ACTR3B: variants seen among roughly 807,000 people sequenced by gnomAD.
ACTR3B encodes actin-related protein 3B.
Under a neutral mutation model 59.0 loss-of-function variants are expected in ACTR3B, and 8 were observed. That is an observed-to-expected ratio of 0.14 (90% CI 0.08 to 0.24). ACTR3B has a LOEUF of 0.24. ACTR3B is among the 10% of genes least tolerant of loss of function. The pLI is 1.00. For missense variants in ACTR3B, 245 were observed against 552.3 expected, an observed-to-expected ratio of 0.44 and a Z score of 5.58; for synonymous variants, 148 against 197.9, an observed-to-expected ratio of 0.75 and a Z score of 2.12.
chr7:152,837,982 G>C (rs1164390970), intron 9 of ACTR3B, among the ~76,000 whole-genome samples: 1 of 152,164 alleles, frequency 6.6e-6, no homozygotes, highest in Non-Finnish European at 1.5e-5. Context: ...TCTGGGCGAG[G>C]GGGGAGGTAT....
rs182458016 is a variant in ACTR3B at position 152,829,982 on chromosome 7, A to G, written c.951+4860A>G. On this transcript the variant is annotated intron_variant, in intron 9 of 11. Coordinates refer to ENST00000256001, the MANE Select transcript of ACTR3B (RefSeq NM_020445.6). The stretch of plus-strand genomic sequence containing the variant: ...CGAGATGATTCGGTTCTTGCCTTCA[A>G]GAGCTTATAAAAAAGCTAAAAATAC... Among the ~76,000 whole-genome samples the G allele has an allele frequency of 1.5e-3, 223 of 152,378 alleles. 1 individual carries two copies. The highest frequency in any genetic ancestry group is 5.2e-3 in the African/African-American group (217 of 41,588).
rs970632581 is a variant in ACTR3B, at chr7:152,769,744, G to A, written c.44+9818G>A. 7.3e-5 allele frequency among the ~76,000 whole-genome samples: 11 copies of A among 151,332 alleles called. No individual in the cohort carries two copies. In the East Asian group the frequency reaches 1.7e-3, roughly 24 times the overall value. ...GGGCAGACTGTATTTTTGTCTAATT[G>A]TTATCATTATATATAGTCCTTTTAT... On this transcript the variant is annotated intron_variant, in intron 1 of 11. Coordinates refer to ENST00000256001, the MANE Select transcript of ACTR3B (RefSeq NM_020445.6).
At chr7:152,790,003 T>C (rs1385299977) in intron 2 of ACTR3B, among the ~76,000 whole-genome samples, 11 of 150,046 alleles carry the variant, frequency 7.3e-5, no homozygotes, top group Non-Finnish European at 1.0e-4. Context: ...CTTTCTTTTT[T>C]TTTTTTTTTT....
chr7:152,782,265 T>G (rs570965645), intron 1 of ACTR3B, among the ~76,000 whole-genome samples: 8 of 148,338 alleles, frequency 5.4e-5, no homozygotes, highest in Non-Finnish European at 8.9e-5. Flanking sequence ...ATAATAAGCA[T>G]TATTACAGAA....
intron 11 of ACTR3B, among the ~76,000 whole-genome samples, chr7:152,853,996 G>A (rs976349464): frequency 6.6e-6 from 1 of 152,038 alleles, no homozygotes; most frequent in Non-Finnish European, 1.5e-5. Flanking sequence ...GCAAAGTGCT[G>A]CAATTACAGG....
intron 6 of ACTR3B, among the ~76,000 whole-genome samples, chr7:152,817,834 G>T (rs1385186391): frequency 6.6e-6 from 1 of 152,184 alleles, no homozygotes; most frequent in Non-Finnish European, 1.5e-5. Flanking sequence ...AGGTGATGGG[G>T]TGACGTACTA....
intron 2 of ACTR3B, among the ~76,000 whole-genome samples, chr7:152,784,952 A>T (rs956718552): frequency 6.6e-6 from 1 of 152,094 alleles, no homozygotes; most frequent in African/African-American, 2.4e-5. Flanking sequence ...TCAGTCCATG[A>T]CAATTGGTGT....
At position 152,803,674 on chromosome 7, in the gene ACTR3B, A is replaced by G. The variant is rs573205277; in HGVS notation, c.336+1943A>G. Among the ~76,000 whole-genome samples, 6 of 152,304 alleles carry G rather than the reference A, an allele frequency of 3.9e-5. No individual in the cohort carries two copies. The East Asian group carries it at 1.2e-3, about 29-fold the overall frequency. On this transcript the variant is annotated intron_variant, in intron 4 of 11. Coordinates refer to ENST00000256001, the MANE Select transcript of ACTR3B (RefSeq NM_020445.6). ...AGGGGACTCTTCTGATTTAGCTGGC[A>G]TACATGAGATAGTAAAATGTAACCA...
Position 152,771,405 on chromosome 7 carries a change from A to G in ACTR3B, c.44+11479A>G, listed in dbSNP as rs183022525. 5.7e-3 allele frequency among the ~76,000 whole-genome samples: 874 copies of G among 152,354 alleles called. 28 individuals carry two copies. The highest frequency in any genetic ancestry group is 2.5e-3 in the Non-Finnish European group (169 of 68,028). On this transcript the variant is annotated intron_variant, in intron 1 of 11. Transcript: ENST00000256001. ...CTGACATCCATAAGGAAAGAAATAG[A>G]AAACTAAAATCATTTCAGGAATTAA...
At chr7:152,795,395 T>A (rs74303432) in intron 2 of ACTR3B, among the ~76,000 whole-genome samples, 29 of 151,536 alleles carry the variant, frequency 1.9e-4, no homozygotes, top group Non-Finnish European at 3.0e-4. Flanking sequence ...TGTAGTAAAT[T>A]GGAGATTCCA....
chr7:152,784,401 A>G (rs989353157), intron 2 of ACTR3B, among the ~76,000 whole-genome samples: 13 of 152,188 alleles, frequency 8.5e-5, no homozygotes, highest in African/African-American at 2.9e-4. Flanking sequence ...TCACATCACT[A>G]GAAAGCGGAC....
At chr7:152,813,322 A>G (rs892983146) in intron 4 of ACTR3B, 1 of 147,770 alleles carries the variant, frequency 6.8e-6, no homozygotes, top group Non-Finnish European at 1.5e-5. Flanking sequence ...CGAGATATAG[A>G]CCCATATTTG....
intron 2 of ACTR3B, among the ~76,000 whole-genome samples, chr7:152,798,804 G>C (rs1470114131): frequency 6.6e-6 from 1 of 152,134 alleles, no homozygotes; most frequent in African/African-American, 2.4e-5. Flanking sequence ...AATCAGTTGA[G>C]TGTAAATACA....
At chr7:152,773,200 A>G (rs1334113249) in intron 1 of ACTR3B, among the ~76,000 whole-genome samples, 1 of 149,172 alleles carries the variant, frequency 6.7e-6, no homozygotes, top group African/African-American at 2.5e-5. Context: ...GCATGGACTC[A>G]ACTAAATTCA....
At chr7:152,837,247 C>T (rs1797536492) in intron 9 of ACTR3B, among the ~76,000 whole-genome samples, 1 of 152,162 alleles carries the variant, frequency 6.6e-6, no homozygotes, top group Admixed American at 6.5e-5. Flanking sequence ...TTCTGAGGTA[C>T]AGAATTATTA....
At chr7:152,834,690 CTCT>C (rs1219094220) in intron 9 of ACTR3B, among the ~76,000 whole-genome samples, 8 of 152,298 alleles carry the variant, frequency 5.3e-5, no homozygotes, top group African/African-American at 1.4e-4. Context: ...GTTTTTGACA[CTCT>C]TCTAGCTTAG....
chr7:152,765,138 A>T (rs2098105035), intron 1 of ACTR3B, among the ~76,000 whole-genome samples: 1 of 66,376 alleles, frequency 1.5e-5, no homozygotes, highest in Non-Finnish European at 3.1e-5. Context: ...TTTTCCGGAG[A>T]CAGAGTTTTG....
chr7:152,853,180 T>TA (rs879307635), intron 10 of ACTR3B, among the ~76,000 whole-genome samples: 20 of 144,940 alleles, frequency 1.4e-4, no homozygotes, highest in South Asian at 2.2e-4. Flanking sequence ...TATGTTAGGT[T>TA]AAAAAAAAAA....
chr7:152,800,712 C>T, intron 3 of ACTR3B, 57 bp downstream of exon 3: 1 of 1,560,418 alleles, frequency 6.4e-7, no homozygotes, highest in Non-Finnish European at 8.7e-7. Context: ...ATGAGTAATG[C>T]AAAATGGTCA....
Sources: allele counts gnomAD v4.1 joint callset (sites outside exome capture counted in the v4.1 genomes callset), GRCh38; gene constraint gnomAD v4.1.1; transcripts MANE v1.5; gene names NCBI Gene and HGNC (gene_info 2026-07-23, HGNC 2026-07-21).